The following ARID5B variants were observed in gnomAD, a reference collection of about 807,000 sequenced individuals.
The protein encoded by ARID5B is AT-rich interaction domain 5B.
A neutral mutation model predicts 97.2 loss-of-function variants in ARID5B; 13 were observed. The observed-to-expected ratio is 0.13, with a 90% CI of 0.09 to 0.21. The LOEUF (loss-of-function observed/expected upper bound fraction) is 0.21. ARID5B is among the 10% of genes least tolerant of loss of function. The probability of loss-of-function intolerance (pLI) is 1.00; values close to 1 mark genes in which losing one functional copy is unlikely to be tolerated. For missense variants in ARID5B, 1,210 were observed against 1,465.3 expected, an observed-to-expected ratio of 0.83 and a Z score of 2.84; for synonymous variants, 556 against 570.3, an observed-to-expected ratio of 0.97 and a Z score of 0.36.
intron 4 of ARID5B, among the ~76,000 whole-genome samples, chr10:62,036,647 T>C (rs1201029382): frequency 6.6e-6 from 1 of 152,224 alleles, no homozygotes; most frequent in Non-Finnish European, 1.5e-5. Context: ...TTACAGTTCC[T>C]TGGAAAGTGT....
At chr10:62,036,875 T>C (rs1278770309) in intron 4 of ARID5B, among the ~76,000 whole-genome samples, 1 of 152,230 alleles carries the variant, frequency 6.6e-6, no homozygotes, top group Admixed American at 6.5e-5. Flanking sequence ...AATGACTAGC[T>C]GGTGCCCGAG....
intron 2 of ARID5B, among the ~76,000 whole-genome samples, chr10:61,917,400 C>G (rs1165851036): frequency 6.6e-6 from 1 of 152,090 alleles, no homozygotes; most frequent in African/African-American, 2.4e-5. Flanking sequence ...CATCTCGGCT[C>G]ACTGCAACCT....
At chr10:62,052,389 G>A (rs1360079605) in intron 5 of ARID5B, among the ~76,000 whole-genome samples, 3 of 152,276 alleles carry the variant, frequency 2.0e-5, no homozygotes, top group South Asian at 4.1e-4. Context: ...GCAGAATGGC[G>A]CAAGAAGGTT....
Position 62,093,797 on chromosome 10 carries a change from T to G in ARID5B, c.*767T>G, listed in dbSNP as rs965315811. On this transcript the variant is annotated 3_prime_UTR_variant, in exon 10 of 10. Transcript: ENST00000279873. Reference sequence around the variant, plus strand: ...TTCCACATCTTATTTTGAGCAGCTTTGGGTGGTAAAGTTATTGTTTACAAA... The same window carrying G: ...TTCCACATCTTATTTTGAGCAGCTTGGGGTGGTAAAGTTATTGTTTACAAA... 3.9e-5 allele frequency: 9 copies of G among 233,442 alleles called. No homozygotes were observed. Among genetic ancestry groups the G allele is most frequent in the African/African-American group, 2.0e-4 (9 of 45,302 alleles). 14.5% of individuals were successfully genotyped at this position (233,442 alleles called of 1,614,324 possible). A position where few individuals can be genotyped will look rare whatever the true frequency, so the allele number is the denominator to read the frequency against.
intron 2 of ARID5B, among the ~76,000 whole-genome samples, chr10:61,937,836 T>C (rs996986712): frequency 6.6e-6 from 1 of 152,142 alleles, no homozygotes; most frequent in Non-Finnish European, 1.5e-5. Context: ...CCTGAGACAT[T>C]TTCTATATAT....
At chr10:62,081,384 A>G (rs1295305975) in intron 8 of ARID5B, among the ~76,000 whole-genome samples, 1 of 152,216 alleles carries the variant, frequency 6.6e-6, no homozygotes, top group Non-Finnish European at 1.5e-5. Flanking sequence ...TTTCCTATTA[A>G]GCACTGTTTG....
intron 2 of ARID5B, among the ~76,000 whole-genome samples, chr10:61,932,555 G>A (rs879656209): frequency 4.6e-5 from 7 of 151,880 alleles, no homozygotes; most frequent in Non-Finnish European, 1.0e-4. Flanking sequence ...AACTATGGGT[G>A]TGTGCCACCA....
At chr10:62,033,527 C>T (rs553786822) in intron 4 of ARID5B, among the ~76,000 whole-genome samples, 10 of 152,336 alleles carry the variant, frequency 6.6e-5, no homozygotes, top group Non-Finnish European at 1.0e-4. Context: ...AAATAAGTAG[C>T]TTTCCTGCAC....
At chr10:61,961,318 T>C (rs1407835268) in intron 3 of ARID5B, among the ~76,000 whole-genome samples, 5 of 152,224 alleles carry the variant, frequency 3.3e-5, no homozygotes, top group Non-Finnish European at 7.3e-5. Flanking sequence ...TGTTTATCCA[T>C]GTACCACCTA....
At chr10:61,935,474 A>G (rs1426541771) in intron 2 of ARID5B, among the ~76,000 whole-genome samples, 1 of 152,184 alleles carries the variant, frequency 6.6e-6, no homozygotes, top group East Asian at 1.9e-4. Context: ...AGCCTCAAAG[A>G]TTTTGTACTG....
At chr10:61,918,351 C>T (rs746136691) in intron 2 of ARID5B, among the ~76,000 whole-genome samples, 9 of 152,330 alleles carry the variant, frequency 5.9e-5, no homozygotes, top group South Asian at 4.1e-4. Context: ...ATGGCTTGAT[C>T]TTGCTGGGCT....
chr10:62,052,718 T>C (rs1697161819), intron 5 of ARID5B, among the ~76,000 whole-genome samples: 1 of 152,258 alleles, frequency 6.6e-6, no homozygotes, highest in Non-Finnish European at 1.5e-5. Context: ...TGATGTTCAC[T>C]GACTTCTTAA....
intron 3 of ARID5B, among the ~76,000 whole-genome samples, chr10:61,968,508 G>A (rs1258283838): frequency 6.6e-6 from 1 of 151,712 alleles, no homozygotes; most frequent in African/African-American, 2.4e-5. Context: ...TGCAGAATTT[G>A]CATTTCTTTT....
At chr10:62,076,261 T>A (rs1037883568) in intron 8 of ARID5B, among the ~76,000 whole-genome samples, 1 of 152,160 alleles carries the variant, frequency 6.6e-6, no homozygotes, top group Admixed American at 6.5e-5. Context: ...ATGTCTGTGG[T>A]GGGCATGGTG....
At chr10:62,041,696 TCTTTTA>T (rs1313127890) in intron 4 of ARID5B, among the ~76,000 whole-genome samples, 1 of 152,206 alleles carries the variant, frequency 6.6e-6, no homozygotes, top group Non-Finnish European at 1.5e-5. Context: ...ACAATCCATC[TCTTTTA>T]CTTATTTCCA....
chr10:62,036,186 C>A (rs748834245), intron 4 of ARID5B, among the ~76,000 whole-genome samples: 14 of 152,098 alleles, frequency 9.2e-5, no homozygotes, highest in Non-Finnish European at 2.1e-4. Flanking sequence ...GAAAAGGTAT[C>A]GATGTCAGAG....
intron 3 of ARID5B, among the ~76,000 whole-genome samples, chr10:61,979,538 A>G (rs187019489): frequency 6.6e-5 from 10 of 152,112 alleles, no homozygotes; most frequent in Non-Finnish European, 1.2e-4. Flanking sequence ...CTGGTTCCCA[A>G]TTGGAGGTCT....
In ARID5B at chr10:61,901,750, T is replaced by C; in HGVS notation, c.21+20T>C. The C allele has an allele frequency of 1.2e-6, 2 of 1,612,808 alleles. No homozygotes were observed. The highest frequency in any genetic ancestry group is 2.2e-5 in the South Asian group (2 of 91,014). ...CTCCAGGTATTTCGCTCTCCTCCGCTCCTCCGATCCCGGCACCCCCCGGCA... is the reference window on the plus strand; with the variant it reads ...CTCCAGGTATTTCGCTCTCCTCCGCCCCTCCGATCCCGGCACCCCCCGGCA... On this transcript the variant is annotated intron_variant, in intron 1 of 9. Coordinates refer to ENST00000279873, the MANE Select transcript of ARID5B (RefSeq NM_032199.3).
At chr10:61,919,377 C>T (rs150835511) in intron 2 of ARID5B, among the ~76,000 whole-genome samples, 453 of 152,286 alleles carry the variant, frequency 3.0e-3, no homozygotes, top group African/African-American at 9.8e-3. Context: ...CCGTCTTCCT[C>T]ATTTGGGGAT....
Sources: gnomAD v4.1 joint callset for allele counts (sites outside exome capture counted in the v4.1 genomes callset) on GRCh38, gnomAD v4.1.1 for gene constraint, MANE v1.5 for transcripts, NCBI Gene and HGNC (gene_info 2026-07-23, HGNC 2026-07-21) for gene names.